Variants in RAB11A observed in about 807,000 individuals in gnomAD.
RAB11A encodes RAB11A, member RAS oncogene family.
A neutral mutation model predicts 28.0 loss-of-function variants in RAB11A; 9 were observed. That is an observed-to-expected ratio of 0.32 (90% CI 0.19 to 0.56). RAB11A has a LOEUF of 0.56. RAB11A is among the 20% of genes least tolerant of loss of function. The pLI, the probability that RAB11A is intolerant of heterozygous loss-of-function variation, is 0.91. For missense variants in RAB11A, 108 were observed against 269.6 expected, an observed-to-expected ratio of 0.40 and a Z score of 4.20; for synonymous variants, 85 against 88.2, an observed-to-expected ratio of 0.96 and a Z score of 0.20.
intron 4 of RAB11A, among the ~76,000 whole-genome samples, chr15:65,880,437 GGTT>G (rs2078215286): frequency 6.6e-6 from 1 of 151,914 alleles, no homozygotes. Flanking sequence ...TACTTTGATG[GGTT>G]GTTTTTAAAT....
intron 1 of RAB11A, among the ~76,000 whole-genome samples, chr15:65,870,287 C>T (rs540071854): frequency 6.6e-6 from 1 of 152,348 alleles, no homozygotes; most frequent in African/African-American, 2.4e-5. Context: ...CTCCCTCTCC[C>T]ACTCCCCATT....
At position 65,885,013 on chromosome 15, in the gene RAB11A, T is replaced by C. The variant is rs115139425; in HGVS notation, c.512-2688T>C. Among the ~76,000 whole-genome samples, 1,037 of 147,346 alleles carry C rather than the reference T, an allele frequency of 7.0e-3. 15 individuals carry two copies. The highest frequency in any genetic ancestry group is 0.025 in the African/African-American group (987 of 39,868). On this transcript the variant is annotated intron_variant, in intron 4 of 4. Coordinates refer to ENST00000261890, the MANE Select transcript of RAB11A (RefSeq NM_004663.5). Reference sequence around the variant, plus strand: ...GTCTCACACTGTCCCCAGGCTGGAGTGCAGTGGTGCAGTCTCAACCTCACT... The same window carrying C: ...GTCTCACACTGTCCCCAGGCTGGAGCGCAGTGGTGCAGTCTCAACCTCACT...
In RAB11A at chr15:65,869,540, C is replaced by T. The variant is rs770043402; in HGVS notation, c.-46C>T. 7.5e-6 allele frequency: 12 copies of T among 1,602,884 alleles called. No homozygotes were observed. Among genetic ancestry groups the T allele is most frequent in the South Asian group, 6.6e-5 (6 of 90,528 alleles). On this transcript the variant is annotated 5_prime_UTR_variant, in exon 1 of 5. Coordinates refer to ENST00000261890, the MANE Select transcript of RAB11A (RefSeq NM_004663.5). Reference sequence around the variant, plus strand: ...CCCCTGCAGCGACGCCCCCTGGTCCCACAGATACCACTGCTGCTCCCGCCC... The same window carrying T: ...CCCCTGCAGCGACGCCCCCTGGTCCTACAGATACCACTGCTGCTCCCGCCC...
chr15:65,885,392 C>G (rs2141108731), intron 4 of RAB11A, among the ~76,000 whole-genome samples: 1 of 152,252 alleles, frequency 6.6e-6, no homozygotes, highest in Admixed American at 6.5e-5. Flanking sequence ...TCCTAAAGTG[C>G]TGGGATTACA....
At chr15:65,876,909 G>C (rs1476849245) in intron 1 of RAB11A, among the ~76,000 whole-genome samples, 1 of 152,146 alleles carries the variant, frequency 6.6e-6, no homozygotes, top group Admixed American at 6.5e-5. Context: ...TTTCATTTCT[G>C]ATACATTACA....
chr15:65,871,724 C>G lies in RAB11A; in HGVS notation c.40+2099C>G, dbSNP rs1230750518. ...AATCACGTAGACCTCGGTTTAGATC[C>G]TGACTCAGGTCTTATATTTACTTTA... On this transcript the variant is annotated intron_variant, in intron 1 of 4. Coordinates refer to ENST00000261890, the MANE Select transcript of RAB11A (RefSeq NM_004663.5). 3.3e-5 allele frequency among the ~76,000 whole-genome samples: 5 copies of G among 152,190 alleles called. No homozygotes were observed. In the East Asian group the frequency reaches 7.7e-4, roughly 23 times the overall value.
At position 65,877,422 on chromosome 15, in the gene RAB11A, T is replaced by C; in HGVS notation, c.131T>C (p.Ile44Thr). The change falls in exon 2 of 5, where the codon ATT (isoleucine) becomes ACT (threonine). Residue 44 changes from isoleucine (I) to threonine (T), a missense_variant. Transcript: ENST00000261890. This position sits in a 1 kb window ranked among gnomAD's most constrained non-coding sequence, Gnocchi z 4.1. Reference protein sequence around the residue: ...NEFNLESKSTIGVEFATRSIQ... With the variant: ...NEFNLESKSTTGVEFATRSIQ... Reference sequence around the variant, plus strand: ...TTTAATCTGGAAAGCAAGAGCACCATTGGAGTAGAGTTTGCAACAAGAAGC... The same window carrying C: ...TTTAATCTGGAAAGCAAGAGCACCACTGGAGTAGAGTTTGCAACAAGAAGC... The C allele has an allele frequency of 6.2e-7, 1 of 1,614,050 alleles. No homozygotes were observed. The highest frequency in any genetic ancestry group is 2.2e-5 in the East Asian group (1 of 44,872).
chr15:65,877,996 C>CT lies in RAB11A; in HGVS notation c.430+43dup, dbSNP rs1567137477. On this transcript the variant is annotated intron_variant, in intron 3 of 4. Coordinates refer to ENST00000261890, the MANE Select transcript of RAB11A (RefSeq NM_004663.5). This position sits in a 1 kb window ranked among gnomAD's most constrained non-coding sequence, Gnocchi z 4.1. ...TCCATGATATTTCTTACCATTGTGT[C>CT]TTGTGGTTTTGATACCTTCCAATGA... is the stretch of plus-strand genomic sequence containing the variant. 1 of 1,557,038 alleles carries CT rather than the reference C, an allele frequency of 6.4e-7. No individual in the cohort carries two copies. The highest frequency in any genetic ancestry group is 1.7e-5 in the Admixed American group (1 of 59,926).
At position 65,888,608 on chromosome 15, in the gene RAB11A, T is replaced by C. The variant is rs2078268393; in HGVS notation, c.*768T>C. The stretch of plus-strand genomic sequence containing the variant: ...GGCAATGATCAGGCAGCCCAAAAGA[T>C]TTAAATGATCTATAATAATTTCCAA... On this transcript the variant is annotated 3_prime_UTR_variant, in exon 5 of 5. Coordinates refer to ENST00000261890, the MANE Select transcript of RAB11A (RefSeq NM_004663.5). 6.6e-6 allele frequency: 1 copy of C among 152,356 alleles called. No individual in the cohort carries two copies. Among genetic ancestry groups the C allele is most frequent in the Non-Finnish European group, 1.5e-5 (1 of 68,030 alleles). The allele number at this position is 152,356 out of a possible 1,614,324, so 9.4% of individuals were successfully genotyped here. A position where few individuals can be genotyped will look rare whatever the true frequency, so the allele number is the denominator to read the frequency against.
At chr15:65,880,839 C>T (rs2141105704) in intron 4 of RAB11A, among the ~76,000 whole-genome samples, 1 of 152,070 alleles carries the variant, frequency 6.6e-6, no homozygotes, top group Non-Finnish European at 1.5e-5. Context: ...TTTGTTATTT[C>T]TTTTTTGAGA....
chr15:65,876,442 G>A (rs143695063), intron 1 of RAB11A, among the ~76,000 whole-genome samples: 1,752 of 151,896 alleles, frequency 0.012, 45 homozygotes, highest in African/African-American at 0.041. Context: ...GATTACATGC[G>A]CCCACCACCA....
chr15:65,874,305 C>T (rs140535234), intron 1 of RAB11A, among the ~76,000 whole-genome samples: 506 of 151,284 alleles, frequency 3.3e-3, no homozygotes, highest in South Asian at 0.015. Flanking sequence ...CAGCTTACTG[C>T]GATTTCAGCT....
intron 4 of RAB11A, among the ~76,000 whole-genome samples, chr15:65,883,597 TC>T (rs1343320107): frequency 2.6e-5 from 4 of 152,116 alleles, no homozygotes; most frequent in Admixed American, 6.6e-5. Flanking sequence ...AACACTAAAT[TC>T]TTTTTTTTTT....
chr15:65,884,197 T>A (rs920086069), intron 4 of RAB11A, among the ~76,000 whole-genome samples: 1 of 151,538 alleles, frequency 6.6e-6, no homozygotes, highest in Non-Finnish European at 1.5e-5. Flanking sequence ...TTTGTTTCAA[T>A]GAAAAAGGAT....
rs912616898 is a variant in RAB11A at position 65,890,917 on chromosome 15, T to C, written c.*3077T>C. On this transcript the variant is annotated 3_prime_UTR_variant, in exon 5 of 5. Coordinates refer to ENST00000261890, the MANE Select transcript of RAB11A (RefSeq NM_004663.5). ...TGATGTCTCACAAATATCACATACC[T>C]GGAAAAAAATTAAAACAAAAAATGA... 2.0e-5 allele frequency: 3 copies of C among 152,186 alleles called. No individual in the cohort carries two copies. Among genetic ancestry groups the C allele is most frequent in the Non-Finnish European group, 4.4e-5 (3 of 68,028 alleles). The allele number at this position is 152,186 out of a possible 1,614,324, so 9.4% of individuals were successfully genotyped here.
chr15:65,873,712 CCTGG>C (rs1407540749), intron 1 of RAB11A, among the ~76,000 whole-genome samples: 1 of 151,720 alleles, frequency 6.6e-6, no homozygotes, highest in African/African-American at 2.4e-5. Flanking sequence ...CTCCACCATG[CCTGG>C]CTATTTTTTT....
At chr15:65,882,128 TG>T (rs2078226841) in intron 4 of RAB11A, among the ~76,000 whole-genome samples, 1 of 152,216 alleles carries the variant, frequency 6.6e-6, no homozygotes, top group Non-Finnish European at 1.5e-5. Context: ...ACAGCTTAAT[TG>T]TTGCTTGAAA....
At chr15:65,875,944 A>C (rs1006579904) in intron 1 of RAB11A, among the ~76,000 whole-genome samples, 8 of 152,242 alleles carry the variant, frequency 5.3e-5, no homozygotes, top group Admixed American at 4.6e-4. Flanking sequence ...GATAAGAAGA[A>C]GTCTTAGTAG....
intron 3 of RAB11A, among the ~76,000 whole-genome samples, chr15:65,878,675 C>G (rs2078203435): frequency 6.6e-6 from 1 of 152,114 alleles, no homozygotes; most frequent in African/African-American, 2.4e-5. Context: ...GAGACTCCGT[C>G]CCAAAAAAAC....
Sources: gnomAD v4.1 joint callset for allele counts (sites outside exome capture counted in the v4.1 genomes callset) on GRCh38, gnomAD v4.1.1 for gene constraint, Gnocchi (gnomAD v3.1) non-coding constraint, MANE v1.5 for transcripts, NCBI Gene and HGNC (gene_info 2026-07-23, HGNC 2026-07-21) for gene names.